CBX1: variants seen among roughly 807,000 people sequenced by gnomAD.
CBX1 encodes the protein chromobox protein homolog 1.
Under a neutral mutation model 25.1 loss-of-function variants are expected in CBX1, and 10 were observed. The observed-to-expected ratio is 0.40, with a 90% CI of 0.25 to 0.68. The LOEUF is 0.68. Among genes scored for constraint, CBX1 ranks in the 30% least tolerant of loss-of-function variants. CBX1 has a pLI of 0.40. For missense variants in CBX1, 106 were observed against 218.5 expected (o/e 0.49, Z 3.25); for synonymous variants, 63 against 79.4 (o/e 0.79, Z 1.10).
At chr17:48,080,393 T>C (rs948537629) in intron 1 of CBX1, among the ~76,000 whole-genome samples, 3 of 152,066 alleles carry the variant, frequency 2.0e-5, no homozygotes, top group Non-Finnish European at 4.4e-5. Flanking sequence ...TTTTTGTCAG[T>C]AGATGGCACT....
intron 1 of CBX1, among the ~76,000 whole-genome samples, chr17:48,090,294 T>G (rs1236785100): frequency 2.6e-5 from 4 of 152,190 alleles, no homozygotes; most frequent in African/African-American, 9.6e-5. Context: ...TAAGAAACTT[T>G]GAAGATTGTG....
Position 48,101,464 on chromosome 17 carries a change from C to A in CBX1, c.-234G>T, listed in dbSNP as rs1017190857. On this transcript the variant is annotated 5_prime_UTR_variant, in exon 1 of 5. Transcript: ENST00000225603. ...GAACAAAAGAGCCTCGCAGTCTGCG[C>A]TGCCCGCCGCTCGCACCGCGCAGGC... is the stretch of plus-strand genomic sequence containing the variant. The A allele has an allele frequency of 7.1e-6, 7 of 985,572 alleles. No homozygotes were observed. The highest frequency in any genetic ancestry group is 8.4e-6 in the Non-Finnish European group (7 of 830,134). 61.1% of individuals were successfully genotyped at this position (985,572 alleles called of 1,614,324 possible).
chr17:48,076,016 C>T lies in CBX1; in HGVS notation c.303G>A (p.Lys101=), dbSNP rs1396773848. 6.2e-7 allele frequency: 1 copy of T among 1,603,066 alleles called. No homozygotes were observed. The highest frequency in any genetic ancestry group is 1.3e-5 in the African/African-American group (1 of 74,778). ...SEDKGEESKP[K]KKKEESEKPR... ...CTATTCTTACCTCTTCTTTCTTCTT[C>T]TTTGGTTTGCTCTCCTCTCCCTTAT... The change falls in exon 3 of 5, where the codon AAG becomes AAA. Residue 101 remains lysine, a synonymous_variant. Transcript: ENST00000225603.
intron 1 of CBX1, chr17:48,088,651 ACT>A (rs1213160418): frequency 6.6e-6 from 1 of 151,390 alleles, no homozygotes; most frequent in Non-Finnish European, 1.5e-5. Flanking sequence ...AAAATTTCTT[ACT>A]TTTGATTTTT....
In CBX1 at chr17:48,101,287, G is replaced by A. The variant is rs951580478; in HGVS notation, c.-57C>T. Reference sequence around the variant, plus strand: ...CCTCACCTCAGAGCAGCGCCCAAGAGCCCGAGAGGAATCGGTGCTGCGCTG... The same window carrying A: ...CCTCACCTCAGAGCAGCGCCCAAGAACCCGAGAGGAATCGGTGCTGCGCTG... On this transcript the variant is annotated 5_prime_UTR_variant, in exon 1 of 5. Transcript: ENST00000225603. 4 of 986,350 alleles carry A rather than the reference G, an allele frequency of 4.1e-6. No individual in the cohort carries two copies. The African/African-American group carries it at 7.0e-5, about 17-fold the overall frequency. 61.1% of individuals were successfully genotyped at this position (986,350 alleles called of 1,614,324 possible). A position where few individuals can be genotyped will look rare whatever the true frequency, so the allele number is the denominator to read the frequency against.
chr17:48,091,373 T>G (rs925860732), intron 1 of CBX1, among the ~76,000 whole-genome samples: 1 of 152,024 alleles, frequency 6.6e-6, no homozygotes, highest in African/African-American at 2.4e-5. Flanking sequence ...CTGCAGATCT[T>G]CTAGCTTTTT....
chr17:48,079,615 T>G (rs971791933), intron 1 of CBX1, among the ~76,000 whole-genome samples: 3 of 152,126 alleles, frequency 2.0e-5, no homozygotes, highest in African/African-American at 4.8e-5. Flanking sequence ...TGCCTCAGTC[T>G]CCTGAGTAGC....
intron 1 of CBX1, chr17:48,096,303 A>G (rs2063374599): frequency 2.2e-5 from 21 of 974,900 alleles, no homozygotes; most frequent in Non-Finnish European, 2.6e-5. Context: ...AAACCCCTTG[A>G]GTATGTTGAC....
intron 3 of CBX1, 75 bp from the exon 4 acceptor site, chr17:48,075,175 C>A: frequency 1.1e-6 from 1 of 933,730 alleles, no homozygotes; most frequent in Non-Finnish European, 1.7e-6. Context: ...TCCTGTGTCT[C>A]TGATTAATGT....
intron 1 of CBX1, among the ~76,000 whole-genome samples, chr17:48,097,172 T>G (rs1430897597): frequency 6.6e-6 from 1 of 151,734 alleles, no homozygotes; most frequent in Non-Finnish European, 1.5e-5. Flanking sequence ...GAGAATCACT[T>G]GAACCGAGGA....
chr17:48,095,975 G>A (rs2063373003), intron 1 of CBX1: 1 of 152,352 alleles, frequency 6.6e-6, no homozygotes, highest in South Asian at 2.1e-4. Context: ...CCGCCTCCCA[G>A]GTTCAAGCAG....
chr17:48,084,487 G>T (rs539265734), intron 1 of CBX1, among the ~76,000 whole-genome samples: 5 of 149,104 alleles, frequency 3.4e-5, no homozygotes, highest in Non-Finnish European at 5.9e-5. Context: ...GGGATAACAG[G>T]CGTGAGCCAC....
In CBX1 at chr17:48,076,923, C is replaced by T. The variant is rs745952905; in HGVS notation, c.82G>A (p.Asp28Asn). 28 of 1,613,572 alleles carry T rather than the reference C, an allele frequency of 1.7e-5. No individual in the cohort carries two copies. The highest frequency in any genetic ancestry group is 2.7e-5 in the African/African-American group (2 of 74,900). ...EEEYVVEKVL[D>N]RRVVKGKVEY... ...ACTTTGCCCTTTACCACTCGACGGT[C>T]GAGAACTTTTTCCACCACATATTCC... The change falls in exon 2 of 5, where the codon GAC (aspartate) becomes AAC (asparagine). Residue 28 changes from aspartate to asparagine, a missense_variant. Coordinates refer to ENST00000225603, the MANE Select transcript of CBX1 (RefSeq NM_001127228.2).
In CBX1 at chr17:48,088,660, T is replaced by A. The variant is rs560857798; in HGVS notation, c.-37-11619A>T. On this transcript the variant is annotated intron_variant, in intron 1 of 4. Coordinates refer to ENST00000225603, the MANE Select transcript of CBX1 (RefSeq NM_001127228.2). ...TAAATAAAAATTTCTTACTTTTGAT[T>A]TTTTTAAAAAAATACTTAAAAATAT... 2.0e-5 allele frequency: 3 copies of A among 151,654 alleles called. No homozygotes were observed. In the East Asian group the frequency reaches 5.9e-4, roughly 30 times the overall value. The allele number at this position is 151,654 out of a possible 1,614,324, so 9.4% of individuals were successfully genotyped here.
intron 1 of CBX1, among the ~76,000 whole-genome samples, chr17:48,097,856 T>A (rs1399542099): frequency 2.0e-5 from 3 of 152,152 alleles, no homozygotes; most frequent in Non-Finnish European, 4.4e-5. Flanking sequence ...ATTCAATTTT[T>A]CAACAGACAT....
At chr17:48,077,445 GTTTTTTTTGTTT>G (rs2037687513) in intron 1 of CBX1, among the ~76,000 whole-genome samples, 5 of 52,418 alleles carry the variant, frequency 9.5e-5, no homozygotes, top group African/African-American at 2.4e-4. Flanking sequence ...TTTTTTTTTT[GTTTTTTTTGTTT>G]TTTTTTTTTT....
intron 1 of CBX1, chr17:48,100,641 C>T: frequency 1.2e-6 from 1 of 809,726 alleles, no homozygotes; most frequent in African/African-American, 1.9e-5. Context: ...CTCCGCCCTA[C>T]TTATCCTAAC....
chr17:48,096,540 G>A (rs2063375947), intron 1 of CBX1: 1 of 195,822 alleles, frequency 5.1e-6, no homozygotes, highest in Non-Finnish European at 9.3e-6. Flanking sequence ...GAGAGGCTGA[G>A]GTGGGTGGAT....
At chr17:48,075,674 AACTT>A (rs1435508391) in intron 3 of CBX1, among the ~76,000 whole-genome samples, 2 of 150,706 alleles carry the variant, frequency 1.3e-5, no homozygotes, top group African/African-American at 4.9e-5. Context: ...CTCAAAAAAC[AACTT>A]ACTTTAAGAT....
Sources: gnomAD v4.1 joint callset for allele counts (sites outside exome capture counted in the v4.1 genomes callset) on GRCh38, gnomAD v4.1.1 for gene constraint, MANE v1.5 for transcripts, NCBI Gene and HGNC (gene_info 2026-07-23, HGNC 2026-07-21) for gene names.